CDK15: variants seen among roughly 807,000 people sequenced by gnomAD.
CDK15 encodes the protein cyclin-dependent kinase 15.
A neutral mutation model predicts 60.3 loss-of-function variants in CDK15; 62 were observed. That is an observed-to-expected ratio of 1.03 (90% CI 0.84 to 1.27). The LOEUF is 1.27. Among genes scored for constraint, CDK15 ranks in the 50% most tolerant of loss-of-function variants. CDK15 has a pLI of 0.00. For missense variants in CDK15, 541 were observed against 527.8 expected, an observed-to-expected ratio of 1.03 and a Z score of -0.25; for synonymous variants, 194 against 195.7, an observed-to-expected ratio of 0.99 and a Z score of 0.07.
At chr2:201,821,175 G>A (rs1361785515) in intron 4 of CDK15, among the ~76,000 whole-genome samples, 1 of 152,072 alleles carries the variant, frequency 6.6e-6, no homozygotes, top group Admixed American at 6.6e-5. Context: ...AGAAAAGAAA[G>A]CACTTCTTTT....
In CDK15 at chr2:201,806,714, A is replaced by G; in HGVS notation, c.50A>G (p.Tyr17Cys). 1 of 1,598,262 alleles carries G rather than the reference A, an allele frequency of 6.3e-7. No individual in the cohort carries two copies. Among genetic ancestry groups the G allele is most frequent in the East Asian group, 2.2e-5 (1 of 44,876 alleles). ...ACTGTACAGCCTGGATGCAGCTGCT[A>G]CCATTGTTCAGAGGGAGGCGAGGCA... ...AKTVQPGCSC[Y>C]HCSEGGEAHS... The change falls in exon 1 of 14, where the codon TAC becomes TGC. Residue 17 changes from tyrosine (Y) to cysteine (C), a missense_variant. Coordinates refer to ENST00000652192, the MANE Select transcript of CDK15 (RefSeq NM_001366386.2).
chr2:201,844,626 T>G (rs932545321), intron 8 of CDK15, among the ~76,000 whole-genome samples: 1 of 152,166 alleles, frequency 6.6e-6, no homozygotes, highest in Non-Finnish European at 1.5e-5. Context: ...GTGTCACATA[T>G]CAAGATGTTT....
chr2:201,818,960 C>CA (rs201841216), intron 4 of CDK15, among the ~76,000 whole-genome samples: 160 of 135,500 alleles, frequency 1.2e-3, no homozygotes, highest in Middle Eastern at 3.7e-3. Flanking sequence ...TAGCAATAAG[C>CA]AAAAAAAACA....
chr2:201,863,705 G>T (rs1315087832), intron 10 of CDK15, among the ~76,000 whole-genome samples: 1 of 152,166 alleles, frequency 6.6e-6, no homozygotes, highest in East Asian at 1.9e-4. Context: ...AGATCAGCCT[G>T]GCCAACATGG....
chr2:201,845,342 A>G (rs77764829), intron 8 of CDK15, among the ~76,000 whole-genome samples: 3,721 of 152,268 alleles, frequency 0.024, 148 homozygotes, highest in African/African-American at 0.085. Context: ...ATACAAATAA[A>G]TTTCAGTCTT....
At chr2:201,891,536 T>C (rs1574949111) in intron 13 of CDK15, among the ~76,000 whole-genome samples, 2 of 152,142 alleles carry the variant, frequency 1.3e-5, no homozygotes, top group South Asian at 2.1e-4. Context: ...ACCAGGATGG[T>C]TGGTCACCTT....
rs559865885 is a variant in CDK15 at position 201,893,363 on chromosome 2, C to T, written c.*96C>T. ...GCTTACTAAGAAGCTTCAAATCTAACTCCATACTGAACAAGGGGCTTTATG... is the reference window on the plus strand; with the variant it reads ...GCTTACTAAGAAGCTTCAAATCTAATTCCATACTGAACAAGGGGCTTTATG... On this transcript the variant is annotated 3_prime_UTR_variant, in exon 14 of 14. Transcript: ENST00000652192. The T allele has an allele frequency of 6.6e-6, 1 of 152,286 alleles. No individual in the cohort carries two copies. The highest frequency in any genetic ancestry group is 1.9e-4 in the East Asian group (1 of 5,186). 9.4% of individuals were successfully genotyped at this position (152,286 alleles called of 1,614,324 possible). A position where few individuals can be genotyped will look rare whatever the true frequency, so the allele number is the denominator to read the frequency against.
intron 5 of CDK15, 133 bp from the exon 6 acceptor site, chr2:201,823,532 T>C: frequency 1.3e-6 from 1 of 782,632 alleles, no homozygotes; most frequent in East Asian, 2.6e-5. Context: ...CCTGGTTATA[T>C]TCCTTTTGCA....
At chr2:201,890,535 C>G (rs1007432649) in intron 12 of CDK15, among the ~76,000 whole-genome samples, 2 of 152,188 alleles carry the variant, frequency 1.3e-5, no homozygotes, top group African/African-American at 4.8e-5. Flanking sequence ...TCATCTTCAA[C>G]AAGTAGCATA....
intron 10 of CDK15, among the ~76,000 whole-genome samples, chr2:201,866,513 A>C (rs1423956119): frequency 6.6e-6 from 1 of 152,160 alleles, no homozygotes; most frequent in African/African-American, 2.4e-5. Flanking sequence ...TCCTTTTGCA[A>C]CTTTGCTTTT....
intron 12 of CDK15, among the ~76,000 whole-genome samples, chr2:201,883,631 G>A (rs1304820525): frequency 1.3e-5 from 2 of 152,154 alleles, no homozygotes; most frequent in Admixed American, 6.5e-5. Flanking sequence ...TTATTGACTC[G>A]TGAACACCTG....
At chr2:201,861,308 C>T in intron 10 of CDK15, 1 of 990,282 alleles carries the variant, frequency 1.0e-6, no homozygotes. Flanking sequence ...GGTGGAGTAG[C>T]CCGATTCTAC....
chr2:201,875,373 A>C (rs1699037778), intron 11 of CDK15, among the ~76,000 whole-genome samples: 1 of 149,306 alleles, frequency 6.7e-6, no homozygotes, highest in African/African-American at 2.6e-5. Flanking sequence ...GATAGTATGA[A>C]TCTACAGCTC....
chr2:201,895,134 C>T lies in CDK15; in HGVS notation c.*1867C>T, dbSNP rs1186426279. ...GAGTTCCCACAACAGTAGTGGGATT[C>T]CTCTGCCTCTCTGAAGATATGAGAG... On this transcript the variant is annotated 3_prime_UTR_variant, in exon 14 of 14. Coordinates refer to ENST00000652192, the MANE Select transcript of CDK15 (RefSeq NM_001366386.2). The T allele has an allele frequency of 6.6e-6, 1 of 152,166 alleles. No individual in the cohort carries two copies. Among genetic ancestry groups the T allele is most frequent in the Non-Finnish European group, 1.5e-5 (1 of 68,028 alleles). The allele number at this position is 152,166 out of a possible 1,614,324, so 9.4% of individuals were successfully genotyped here.
At position 201,817,392 on chromosome 2, in the gene CDK15, A is replaced by AT. The variant is rs554571498; in HGVS notation, c.448+4836dup. Among the ~76,000 whole-genome samples, 57 of 152,176 alleles carry AT rather than the reference A, an allele frequency of 3.7e-4. No homozygotes were observed. In the East Asian group the frequency reaches 8.9e-3, roughly 24 times the overall value. Reference sequence around the variant, plus strand: ...CTCTGATGATTCGTGATGTTGAGCAATTTTTTCATATGTTTGTTGGCCACT... The same window carrying AT: ...CTCTGATGATTCGTGATGTTGAGCAATTTTTTTCATATGTTTGTTGGCCACT... On this transcript the variant is annotated intron_variant, in intron 4 of 13. Transcript: ENST00000652192.
At chr2:201,835,509 A>AT in intron 7 of CDK15, 134 bp from the exon 8 acceptor site, 2 of 1,008,876 alleles carry the variant, frequency 2.0e-6, no homozygotes, top group Non-Finnish European at 2.7e-6. Context: ...AAGAGTCAAG[A>AT]TAGTGATTAG....
At chr2:201,843,150 C>T (rs1697476321) in intron 8 of CDK15, among the ~76,000 whole-genome samples, 1 of 152,020 alleles carries the variant, frequency 6.6e-6, no homozygotes, top group Admixed American at 6.6e-5. Context: ...AAAAAAGAAA[C>T]AGTTCTGAAC....
At chr2:201,875,880 A>G (rs2270293) in intron 11 of CDK15, among the ~76,000 whole-genome samples, 5,053 of 152,306 alleles carry the variant, frequency 0.033, 196 homozygotes, top group East Asian at 0.18. Flanking sequence ...TAAGTGCTCT[A>G]CAAATAAGTA....
chr2:201,860,650 A>G, intron 10 of CDK15: 1 of 1,299,590 alleles, frequency 7.7e-7, no homozygotes, highest in African/African-American at 1.5e-5. Context: ...AAAGCCCTGC[A>G]GGGACCAGAA....
Sources: allele counts gnomAD v4.1 joint callset (sites outside exome capture counted in the v4.1 genomes callset), GRCh38; gene constraint gnomAD v4.1.1; transcripts MANE v1.5; gene names NCBI Gene and HGNC (gene_info 2026-07-23, HGNC 2026-07-21).